Variants in NAV2 observed in about 807,000 individuals in gnomAD.
The protein encoded by NAV2 is helicase, APC down-regulated 1.
NAV2 carries 54 observed loss-of-function variants against 223.2 expected under a neutral mutation model. The observed-to-expected ratio is 0.24, with a 90% confidence interval of 0.19 to 0.30. NAV2 has a LOEUF of 0.30. Ranked by LOEUF, NAV2 falls within the 10% of genes least tolerant of loss-of-function variation. The probability of loss-of-function intolerance (pLI) is 1.00; values close to 1 mark genes in which losing one functional copy is unlikely to be tolerated. For missense variants in NAV2, 2,806 were observed against 3,147.5 expected (o/e 0.89, Z 2.60); for synonymous variants, 1,279 against 1,239.3 (o/e 1.03, Z -0.67).
chr11:19,727,611 T>C (rs975174246), intron 1 of NAV2, among the ~76,000 whole-genome samples: 2 of 152,232 alleles, frequency 1.3e-5, no homozygotes, highest in Admixed American at 6.5e-5. Flanking sequence ...CAATTGTGCA[T>C]TGATTTGGGG....
At chr11:19,610,645 A>C (rs1236417273) in intron 1 of NAV2, among the ~76,000 whole-genome samples, 1 of 152,236 alleles carries the variant, frequency 6.6e-6, no homozygotes, top group South Asian at 2.1e-4. Flanking sequence ...TCAGCTTCAG[A>C]GCAGCAGAAT....
chr11:19,646,770 G>A (rs7105570), intron 1 of NAV2, among the ~76,000 whole-genome samples: 2,120 of 152,250 alleles, frequency 0.014, 53 homozygotes, highest in African/African-American at 0.048. Context: ...TGTGAGGTAG[G>A]CATTATAGAT....
chr11:19,621,673 T>A, intron 1 of NAV2, among the ~76,000 whole-genome samples: 1 of 152,230 alleles, frequency 6.6e-6, no homozygotes, highest in East Asian at 1.9e-4. Flanking sequence ...TTGCTAGCGG[T>A]CTATCAATTT....
chr11:19,727,601 C>A (rs1279738883), intron 1 of NAV2, among the ~76,000 whole-genome samples: 1 of 152,236 alleles, frequency 6.6e-6, no homozygotes, highest in Non-Finnish European at 1.5e-5. Flanking sequence ...AATCACCCTG[C>A]AATTGTGCAT....
At chr11:19,373,746 A>T (rs1322464746) in intron 1 of NAV2, among the ~76,000 whole-genome samples, 1 of 152,228 alleles carries the variant, frequency 6.6e-6, no homozygotes, top group Non-Finnish European at 1.5e-5. Context: ...AGGCAAAAGC[A>T]TTATCTTCAT....
At chr11:19,450,775 T>G (rs531694934) in intron 1 of NAV2, among the ~76,000 whole-genome samples, 9 of 152,272 alleles carry the variant, frequency 5.9e-5, no homozygotes, top group African/African-American at 2.2e-4. Context: ...GGGACGCGTT[T>G]GTGTAGAGTT....
intron 3 of NAV2, among the ~76,000 whole-genome samples, chr11:19,848,459 C>T (rs1474039846): frequency 6.6e-6 from 1 of 152,276 alleles, no homozygotes; most frequent in African/African-American, 2.4e-5. Flanking sequence ...CTCTGGTCCT[C>T]CTCAGTCTCT....
At chr11:19,540,268 C>T (rs2044304668) in intron 1 of NAV2, among the ~76,000 whole-genome samples, 2 of 152,104 alleles carry the variant, frequency 1.3e-5, no homozygotes, top group African/African-American at 4.8e-5. Context: ...TCTTCTAGCT[C>T]CTCTCCTCCT....
chr11:19,692,346 T>C (rs1297663931), intron 1 of NAV2, among the ~76,000 whole-genome samples: 3 of 152,266 alleles, frequency 2.0e-5, no homozygotes, highest in African/African-American at 7.2e-5. Context: ...GTCATTTGTA[T>C]GTTGAAGCAC....
At chr11:19,724,907 G>T (rs986542865) in intron 1 of NAV2, among the ~76,000 whole-genome samples, 3 of 152,228 alleles carry the variant, frequency 2.0e-5, no homozygotes, top group African/African-American at 7.2e-5. Flanking sequence ...GCTAGGGCGA[G>T]GCCTGGGGCA....
chr11:19,887,756 C>G (rs1310559862), intron 5 of NAV2, among the ~76,000 whole-genome samples: 3 of 152,006 alleles, frequency 2.0e-5, no homozygotes, highest in African/African-American at 7.3e-5. Context: ...GTCCTCTCTG[C>G]CCAGCTGCTG....
At chr11:19,693,089 T>G (rs186955912) in intron 1 of NAV2, among the ~76,000 whole-genome samples, 1 of 152,386 alleles carries the variant, frequency 6.6e-6, no homozygotes, top group African/African-American at 2.4e-5. Context: ...GATCATTTGG[T>G]GCCCTCCTGC....
intron 1 of NAV2, among the ~76,000 whole-genome samples, chr11:19,611,330 C>T (rs1353819438): frequency 6.6e-6 from 1 of 151,958 alleles, no homozygotes; most frequent in Non-Finnish European, 1.5e-5. Flanking sequence ...CACCCCTGGC[C>T]CCTTCAAATC....
chr11:19,941,876 G>GA (rs113373532), intron 8 of NAV2, among the ~76,000 whole-genome samples: 3,157 of 152,224 alleles, frequency 0.021, 112 homozygotes, highest in African/African-American at 0.07. Flanking sequence ...TCAGCCTTCT[G>GA]AAGCCCCAGT....
intron 1 of NAV2, among the ~76,000 whole-genome samples, chr11:19,770,878 T>A (rs544713416): frequency 2.0e-5 from 3 of 152,182 alleles, no homozygotes; most frequent in Non-Finnish European, 4.4e-5. Context: ...AACAAGTGAA[T>A]CTTTAGCCTG....
At chr11:19,842,079 G>T (rs2060542683) in intron 2 of NAV2, among the ~76,000 whole-genome samples, 1 of 152,112 alleles carries the variant, frequency 6.6e-6, no homozygotes, top group African/African-American at 2.4e-5. Flanking sequence ...CTATGCTACG[G>T]CCTTTCTTGT....
chr11:20,016,738 G>A (rs1296606412), intron 11 of NAV2, among the ~76,000 whole-genome samples: 1 of 151,964 alleles, frequency 6.6e-6, no homozygotes, highest in African/African-American at 2.4e-5. Context: ...ACTCACGCCT[G>A]TAATTCCAGC....
At chr11:19,582,415 G>C (rs914666160) in intron 1 of NAV2, among the ~76,000 whole-genome samples, 1 of 152,156 alleles carries the variant, frequency 6.6e-6, no homozygotes, top group African/African-American at 2.4e-5. Flanking sequence ...ATTGCTTTTG[G>C]TGTTTTAGAC....
Position 19,994,497 on chromosome 11 carries a change from G to T in NAV2, c.2768+10250G>T, listed in dbSNP as rs538307431. On this transcript the variant is annotated intron_variant, in intron 11 of 37. Coordinates refer to ENST00000349880, the MANE Select transcript of NAV2 (RefSeq NM_145117.5). ...GGAGGTGGAGGTTGCAGTGAGCCCAGATCACGCCACTGCCCTCCAGCCTGG... is the reference window on the plus strand; with the variant it reads ...GGAGGTGGAGGTTGCAGTGAGCCCATATCACGCCACTGCCCTCCAGCCTGG... 1.6e-4 allele frequency among the ~76,000 whole-genome samples: 24 copies of T among 146,552 alleles called. 1 individual carries two copies. In the South Asian group the frequency reaches 4.9e-3, roughly 30 times the overall value.
Sources: gnomAD v4.1 joint callset for allele counts (sites outside exome capture counted in the v4.1 genomes callset) on GRCh38, gnomAD v4.1.1 for gene constraint, MANE v1.5 for transcripts, NCBI Gene and HGNC (gene_info 2026-07-23, HGNC 2026-07-21) for gene names.